SORBS2: variants seen among roughly 807,000 people sequenced by gnomAD.
SORBS2 encodes the protein sorbin and SH3 domain containing 2.
SORBS2 carries 46 observed loss-of-function variants against 97.7 expected under a neutral mutation model. The observed-to-expected ratio is 0.47, with a 90% CI of 0.37 to 0.60. The LOEUF (loss-of-function observed/expected upper bound fraction) is 0.60. SORBS2 is among the 20% of genes least tolerant of loss of function. SORBS2 has a pLI of 0.00. For synonymous variants in SORBS2, 476 were observed against 473.4 expected, an observed-to-expected ratio of 1.01 and a Z score of -0.07; for missense variants, 1,316 against 1,282.3, an observed-to-expected ratio of 1.03 and a Z score of -0.40.
chr4:185,618,624 G>A (rs1307016319), exon 9 of SORBS2: 3 of 1,534,652 alleles, frequency 2.0e-6, no homozygotes, highest in Middle Eastern at 1.7e-4. Context: ...AGCTTTTGCA[G>A]GCAATTTCTG....
rs769426961 is a variant in SORBS2, at chr4:185,611,935, C to G, written c.2641G>C (p.Glu881Gln). 5.9e-5 allele frequency: 96 copies of G among 1,613,626 alleles called. No individual in the cohort carries two copies. In the South Asian group the frequency reaches 1.0e-3, roughly 17 times the overall value. Reference sequence around the variant, plus strand: ...CTGTTGGTTCCTGGGATTTTACCTTCATACCAGTTTTGATCAACTCTTTTA... The same window carrying G: ...CTGTTGGTTCCTGGGATTTTACCTTGATACCAGTTTTGATCAACTCTTTTA... The change falls in exon 12 of 15, where the codon GAA becomes CAA. Residue 881 changes from glutamate (E) to glutamine (Q), a missense_variant. Glu to Gln is a conservative substitution (Grantham distance 29, BLOSUM62 2). Coordinates refer to ENST00000418609, the Ensembl canonical transcript of SORBS2.
chr4:185,623,461 G>A lies in SORBS2; in HGVS notation c.1668C>T (p.His556=). The A allele has an allele frequency of 6.2e-7, 1 of 1,612,640 alleles. No homozygotes were observed. Among genetic ancestry groups the A allele is most frequent in the Middle Eastern group, 1.7e-4 (1 of 6,060 alleles). The change falls in exon 7 of 15, where the codon CAC becomes CAT. Residue 556 remains histidine (H), a synonymous_variant. Transcript: ENST00000418609. This position sits in a 1 kb window ranked among gnomAD's most constrained non-coding sequence, Gnocchi z 6.4. Reference sequence around the variant, plus strand: ...ACCTGCCTTTGCAGGAGCTGATGAGGTGGCGGTGGTGGTGGTGGTGGTGAT... The same window carrying A: ...ACCTGCCTTTGCAGGAGCTGATGAGATGGCGGTGGTGGTGGTGGTGGTGAT...
At chr4:185,723,202 C>T (rs1410735736) in intron 2 of SORBS2, among the ~76,000 whole-genome samples, 1 of 152,136 alleles carries the variant, frequency 6.6e-6, no homozygotes, top group East Asian at 1.9e-4. Flanking sequence ...TGGGGCACAA[C>T]TCTGGCCATA....
At chr4:185,703,997 A>G (rs1258473097) in intron 2 of SORBS2, among the ~76,000 whole-genome samples, 2 of 152,242 alleles carry the variant, frequency 1.3e-5, no homozygotes, top group East Asian at 1.9e-4. Context: ...TAATGAATAC[A>G]TAAGAATGAT....
Position 185,607,603 on chromosome 4 carries a change from G to A in SORBS2, c.2796+4177C>T, listed in dbSNP as rs1055772232. On this transcript the variant is annotated intron_variant, in intron 12 of 14. Coordinates refer to ENST00000418609, the Ensembl canonical transcript of SORBS2. The surrounding 1 kb of genome is among the most constrained non-coding windows in gnomAD (Gnocchi z 5.2). The stretch of plus-strand genomic sequence containing the variant: ...CACAAATGAAACTCTACTAGTTTTG[G>A]AAGGGGTCTTAAATGTCAAACAAGA... Among the ~76,000 whole-genome samples the A allele has an allele frequency of 6.6e-6, 1 of 152,106 alleles. No individual in the cohort carries two copies. Among genetic ancestry groups the A allele is most frequent in the African/African-American group, 2.4e-5 (1 of 41,400 alleles).
Position 185,622,695 on chromosome 4 carries a change from TTGA to T in SORBS2, c.2215+216_2215+218del, listed in dbSNP as rs1333876550. ...TTTCGAAAGAGTAAATTTTTGTGAA[TTGA>T]TGATCACTTTAAGCCACACATCAAG... On this transcript the variant is annotated intron_variant, in intron 7 of 14. Transcript: ENST00000418609. 2.6e-5 allele frequency among the ~76,000 whole-genome samples: 4 copies of T among 152,372 alleles called. No homozygotes were observed. In the East Asian group the frequency reaches 7.7e-4, roughly 29 times the overall value.
chr4:185,900,443 GT>G (rs2099247122), intron 1 of SORBS2, among the ~76,000 whole-genome samples: 1 of 152,158 alleles, frequency 6.6e-6, no homozygotes, highest in African/African-American at 2.4e-5. Context: ...AGCCAGCTCT[GT>G]AAGTCATACC....
intron 2 of SORBS2, among the ~76,000 whole-genome samples, chr4:185,719,144 A>G (rs946849438): frequency 1.3e-5 from 2 of 152,232 alleles, no homozygotes; most frequent in Non-Finnish European, 2.9e-5. Flanking sequence ...GTTAAAGTAT[A>G]TGTTTTAGAA....
intron 1 of SORBS2, among the ~76,000 whole-genome samples, chr4:185,940,316 C>G (rs1384409204): frequency 6.6e-6 from 1 of 152,200 alleles, no homozygotes; most frequent in African/African-American, 2.4e-5. Context: ...ACGGCCTAGA[C>G]AGAATTACTG....
chr4:185,684,028 C>CCAACCAACCAACCA lies in SORBS2; in HGVS notation c.-197-5207_-197-5206insTGGTTGGTTGGTTG, dbSNP rs1183269186. Among the ~76,000 whole-genome samples the CCAACCAACCAACCA allele has an allele frequency of 6.6e-6, 1 of 151,814 alleles. No homozygotes were observed. Among genetic ancestry groups the CCAACCAACCAACCA allele is most frequent in the Non-Finnish European group, 1.5e-5 (1 of 67,994 alleles). On this transcript the variant is annotated intron_variant, in intron 2 of 20. Transcript: ENST00000284776. This position sits in a 1 kb window ranked among gnomAD's most constrained non-coding sequence, Gnocchi z 4.2. ...CAACCAGCCAACCAACCAACCAACC[C>CCAACCAACCAACCA]ACCAACCAACCCATCACCAACAGGT...
At chr4:185,619,408 C>T (rs1301194367) in intron 8 of SORBS2, among the ~76,000 whole-genome samples, 1 of 152,108 alleles carries the variant, frequency 6.6e-6, no homozygotes, top group Non-Finnish European at 1.5e-5. Context: ...TTTGGGGATC[C>T]CACAGGCTCT....
At chr4:185,876,390 G>A (rs973483180) in intron 1 of SORBS2, among the ~76,000 whole-genome samples, 1 of 152,178 alleles carries the variant, frequency 6.6e-6, no homozygotes, top group African/African-American at 2.4e-5. Flanking sequence ...TTACAGGCGT[G>A]AGCCACCATA....
chr4:185,772,307 C>T (rs1418153195), intron 2 of SORBS2: 4 of 152,154 alleles, frequency 2.6e-5, no homozygotes, highest in African/African-American at 9.7e-5. Context: ...TCTCAGTATA[C>T]CTTACATTCC....
At chr4:185,666,359 AGAAAAAGTGT>A (rs1219719321) in intron 4 of SORBS2, among the ~76,000 whole-genome samples, 4 of 152,232 alleles carry the variant, frequency 2.6e-5, no homozygotes, top group African/African-American at 9.6e-5. Context: ...CACACAGTGC[AGAAAAAGTGT>A]GAAAACAGGA....
rs775014816 is a variant in SORBS2 at position 185,622,993 on chromosome 4, C to T, written c.2136G>A (p.Met712Ile). Residue 712 changes from methionine (M) to isoleucine (I), a missense_variant, in exon 7 of 15, where the codon ATG (methionine) becomes ATA (isoleucine). Coordinates refer to ENST00000418609, the Ensembl canonical transcript of SORBS2. ...CGTCTTGGAAAGAGGCACTGCGGGG[C>T]ATTCTCCCGCAGTCATTCTGGTAGG... is the stretch of plus-strand genomic sequence containing the variant. 4 of 1,613,996 alleles carry T rather than the reference C, an allele frequency of 2.5e-6. No individual in the cohort carries two copies. The Admixed American group carries it at 6.7e-5, about 27-fold the overall frequency.
chr4:185,836,575 T>A (rs1413319001), intron 1 of SORBS2, among the ~76,000 whole-genome samples: 1 of 152,086 alleles, frequency 6.6e-6, no homozygotes, highest in African/African-American at 2.4e-5. Flanking sequence ...AATGAACCTA[T>A]GAATTGGGCA....
rs533419601 is a variant in SORBS2 at position 185,588,645 on chromosome 4, G to T, written c.2954-957C>A. On this transcript the variant is annotated intron_variant, in intron 14 of 14. Coordinates refer to ENST00000418609, the Ensembl canonical transcript of SORBS2. ...CTCCTTGTTTTTGAGATGGAGTTTC[G>T]CTCTTGTCGCCCAGGCTGGAGTGCA... is the stretch of plus-strand genomic sequence containing the variant. Among the ~76,000 whole-genome samples the T allele has an allele frequency of 3.0e-5, 3 of 99,842 alleles. No homozygotes were observed. The South Asian group carries it at 1.1e-3, about 36-fold the overall frequency. 65.5% of individuals were successfully genotyped at this position (99,842 alleles called of 152,430 possible). A position where few individuals can be genotyped will look rare whatever the true frequency, so the allele number is the denominator to read the frequency against.
intron 1 of SORBS2, among the ~76,000 whole-genome samples, chr4:185,868,142 C>CTTTTCTT (rs1561250522): frequency 1.1e-5 from 1 of 89,660 alleles, no homozygotes; most frequent in Non-Finnish European, 2.3e-5. Flanking sequence ...TTTCTCTTTT[C>CTTTTCTT]TTTTCTTTTT....
intron 1 of SORBS2, among the ~76,000 whole-genome samples, chr4:185,814,929 C>T (rs936377189): frequency 6.6e-6 from 1 of 152,202 alleles, no homozygotes; most frequent in Non-Finnish European, 1.5e-5. Flanking sequence ...AGCCCAGGTC[C>T]CTGACGTTTA....
Sources: allele counts gnomAD v4.1 joint callset (sites outside exome capture counted in the v4.1 genomes callset), GRCh38; gene constraint gnomAD v4.1.1; non-coding constraint Gnocchi (gnomAD v3.1); transcripts MANE v1.5; gene names NCBI Gene and HGNC (gene_info 2026-07-23, HGNC 2026-07-21).